The following DLG2 variants were observed in gnomAD, a reference collection of about 807,000 sequenced individuals.
DLG2 encodes discs large MAGUK scaffold protein 2, also known as disks large homolog 2.
Under a neutral mutation model 132.5 loss-of-function variants are expected in DLG2, and 45 were observed. The observed-to-expected ratio is 0.34, with a 90% CI of 0.27 to 0.44. The LOEUF (loss-of-function observed/expected upper bound fraction) is 0.44. Ranked by LOEUF, DLG2 falls within the 20% of genes least tolerant of loss-of-function variation. The pLI, the probability that DLG2 is intolerant of heterozygous loss-of-function variation, is 1.00. For missense variants in DLG2, 1,045 were observed against 1,196.9 expected (o/e 0.87, Z 1.87); for synonymous variants, 424 against 419.6 (o/e 1.01, Z -0.13).
At chr11:84,819,318 A>G (rs1044304444) in intron 6 of DLG2, among the ~76,000 whole-genome samples, 6 of 151,904 alleles carry the variant, frequency 3.9e-5, no homozygotes, top group Admixed American at 3.9e-4. Flanking sequence ...CTCACAGAAA[A>G]AGCCAACTCT....
At chr11:84,648,715 G>A (rs541431397) in intron 6 of DLG2, among the ~76,000 whole-genome samples, 1 of 151,764 alleles carries the variant, frequency 6.6e-6, no homozygotes, top group Non-Finnish European at 1.5e-5. Context: ...CCCCCGCCCT[G>A]TCTCGCTCAC....
intron 6 of DLG2, among the ~76,000 whole-genome samples, chr11:84,954,620 G>T (rs6592224): frequency 0.067 from 10,124 of 152,168 alleles, 386 homozygotes; most frequent in Middle Eastern, 0.18. Flanking sequence ...ATTACAAATG[G>T]CCGCAATCCC....
At chr11:84,168,208 C>T (rs1275193307) in intron 8 of DLG2, among the ~76,000 whole-genome samples, 1 of 152,170 alleles carries the variant, frequency 6.6e-6, no homozygotes, top group African/African-American at 2.4e-5. Flanking sequence ...AGGCCTCATA[C>T]AAGAGTGATA....
chr11:84,930,617 G>T (rs2047972143), intron 6 of DLG2, among the ~76,000 whole-genome samples: 1 of 151,798 alleles, frequency 6.6e-6, no homozygotes. Flanking sequence ...AAAACAAACA[G>T]AGAAAACAAA....
chr11:85,068,387 T>C lies in DLG2; in HGVS notation c.357+43274A>G, dbSNP rs551818536. On this transcript the variant is annotated intron_variant, in intron 6 of 27. Coordinates refer to ENST00000376104, the MANE Select transcript of DLG2 (RefSeq NM_001142699.3). Reference sequence around the variant, plus strand: ...TCCCTGTTTGCAGATGACATGATTATATATGTAGGAAACCCCATAGTCTCA... The same window carrying C: ...TCCCTGTTTGCAGATGACATGATTACATATGTAGGAAACCCCATAGTCTCA... 2.0e-5 allele frequency among the ~76,000 whole-genome samples: 3 copies of C among 152,268 alleles called. No individual in the cohort carries two copies. The South Asian group carries it at 6.2e-4, about 31-fold the overall frequency.
At chr11:85,406,883 A>G (rs148366429) in intron 3 of DLG2, among the ~76,000 whole-genome samples, 2 of 152,056 alleles carry the variant, frequency 1.3e-5, no homozygotes, top group East Asian at 3.9e-4. Context: ...AAAATGAGGA[A>G]CATGGGAGAC....
intron 4 of DLG2, among the ~76,000 whole-genome samples, chr11:85,160,187 T>G (rs2077918979): frequency 6.6e-6 from 1 of 152,162 alleles, no homozygotes; most frequent in South Asian, 2.1e-4. Context: ...CTCATTTAGG[T>G]GCGTTACTCC....
At chr11:84,297,686 G>A (rs757886117) in intron 7 of DLG2, among the ~76,000 whole-genome samples, 3 of 151,930 alleles carry the variant, frequency 2.0e-5, no homozygotes, top group Non-Finnish European at 2.9e-5. Flanking sequence ...GTTTAAAGGA[G>A]TCCAATGGCT....
At chr11:85,386,952 T>A (rs902321849) in intron 3 of DLG2, among the ~76,000 whole-genome samples, 1 of 151,398 alleles carries the variant, frequency 6.6e-6, no homozygotes, top group Non-Finnish European at 1.5e-5. Flanking sequence ...TGGAGTGCAA[T>A]GGTGTGCTCT....
At chr11:83,750,255 G>A (rs560871762) in intron 18 of DLG2, among the ~76,000 whole-genome samples, 1 of 152,176 alleles carries the variant, frequency 6.6e-6, no homozygotes, top group South Asian at 2.1e-4. Flanking sequence ...TTCATGGGAA[G>A]TCCCTCTGGC....
At chr11:85,565,055 T>C (rs2153224430) in intron 3 of DLG2, among the ~76,000 whole-genome samples, 2 of 152,172 alleles carry the variant, frequency 1.3e-5, no homozygotes, top group South Asian at 4.1e-4. Context: ...AACAATTGAT[T>C]TCTGTATATT....
intron 9 of DLG2, among the ~76,000 whole-genome samples, chr11:84,099,539 T>C (rs960456969): frequency 1.3e-5 from 2 of 151,858 alleles, no homozygotes; most frequent in Non-Finnish European, 2.9e-5. Context: ...TAAAGAAAAC[T>C]TCCACTTCAG....
intron 17 of DLG2, among the ~76,000 whole-genome samples, chr11:83,796,243 G>A (rs2042795011): frequency 6.6e-6 from 1 of 152,162 alleles, no homozygotes; most frequent in African/African-American, 2.4e-5. Context: ...CACTAATGAA[G>A]AACTCACTGC....
chr11:84,526,318 T>C (rs1376701372), intron 7 of DLG2, among the ~76,000 whole-genome samples: 2 of 152,152 alleles, frequency 1.3e-5, no homozygotes, highest in Non-Finnish European at 2.9e-5. Context: ...CAAACATACT[T>C]TGGGAGATGC....
At chr11:84,779,982 C>T (rs1051345812) in intron 6 of DLG2, among the ~76,000 whole-genome samples, 3 of 151,624 alleles carry the variant, frequency 2.0e-5, no homozygotes, top group African/African-American at 7.3e-5. Flanking sequence ...TAATACCAAT[C>T]CTCCTAAAAT....
intron 4 of DLG2, among the ~76,000 whole-genome samples, chr11:85,200,340 G>C (rs144593773): frequency 2.6e-4 from 40 of 152,322 alleles, no homozygotes; most frequent in Middle Eastern, 6.8e-3. Flanking sequence ...AATCAGTCTT[G>C]ACAGTGAATC....
At chr11:84,684,828 A>T (rs2099736635) in intron 6 of DLG2, among the ~76,000 whole-genome samples, 1 of 152,224 alleles carries the variant, frequency 6.6e-6, no homozygotes, top group African/African-American at 2.4e-5. Context: ...ACTCATGGTT[A>T]CTTTTCTTGC....
At chr11:84,041,072 G>A (rs1164164966) in intron 11 of DLG2, among the ~76,000 whole-genome samples, 1 of 151,542 alleles carries the variant, frequency 6.6e-6, no homozygotes, top group African/African-American at 2.4e-5. Context: ...CATTGATTTT[G>A]TATCCTGAGA....
chr11:84,046,928 A>G (rs997258640), intron 11 of DLG2, among the ~76,000 whole-genome samples: 1 of 151,680 alleles, frequency 6.6e-6, no homozygotes. Flanking sequence ...TTTGACTGAC[A>G]GCTTAGTGGC....
Sources: allele counts gnomAD v4.1 joint callset (sites outside exome capture counted in the v4.1 genomes callset), GRCh38; gene constraint gnomAD v4.1.1; transcripts MANE v1.5; gene names NCBI Gene and HGNC (gene_info 2026-07-23, HGNC 2026-07-21).